Variants in DPP10 observed in about 807,000 individuals in gnomAD.
DPP10 encodes the protein dipeptidyl peptidase like 10.
DPP10 carries 33 observed loss-of-function variants against 120.9 expected under a neutral mutation model. The ratio of observed to expected loss-of-function variants is 0.27; its 90% CI spans 0.21 to 0.37. The LOEUF (loss-of-function observed/expected upper bound fraction) is 0.37. Ranked by LOEUF, DPP10 falls within the 10% of genes least tolerant of loss-of-function variation. The pLI is 1.00. For synonymous variants in DPP10, 337 were observed against 326.1 expected (o/e 1.03, Z -0.36); for missense variants, 816 against 942.8 (o/e 0.87, Z 1.76).
At chr2:115,072,986 T>C (rs886097057) in intron 1 of DPP10, among the ~76,000 whole-genome samples, 1 of 152,158 alleles carries the variant, frequency 6.6e-6, no homozygotes, top group Non-Finnish European at 1.5e-5. Flanking sequence ...TTTCACCCTG[T>C]TGGCCAGGCT....
rs1243416365 is a variant in DPP10 at position 115,732,053 on chromosome 2, AG to A, written c.697+4120del. On this transcript the variant is annotated intron_variant, in intron 8 of 25. Transcript: ENST00000410059. ...TCACTGAAACACAATGATATTGCCT[AG>A]GGAATGCATGTAATTTCAACGTTAT... Among the ~76,000 whole-genome samples, 12 of 150,358 alleles carry A rather than the reference AG, an allele frequency of 8.0e-5. No homozygotes were observed. The East Asian group carries it at 2.1e-3, about 27-fold the overall frequency.
chr2:115,550,684 T>C (rs577746041), intron 5 of DPP10, among the ~76,000 whole-genome samples: 3 of 152,264 alleles, frequency 2.0e-5, no homozygotes, highest in Non-Finnish European at 4.4e-5. Flanking sequence ...TTTAAAGGAA[T>C]GTGAATAAGC....
At chr2:115,421,126 T>G (rs1374544579) in intron 3 of DPP10, among the ~76,000 whole-genome samples, 1 of 152,064 alleles carries the variant, frequency 6.6e-6, no homozygotes, top group East Asian at 1.9e-4. Flanking sequence ...CCTTTCTCAA[T>G]TGCTTTTAAT....
At chr2:114,870,419 T>C (rs1690591940) in intron 1 of DPP10, among the ~76,000 whole-genome samples, 1 of 151,656 alleles carries the variant, frequency 6.6e-6, no homozygotes, top group African/African-American at 2.4e-5. Context: ...TAAACAGTAT[T>C]GAGTATGGAA....
chr2:114,473,861 T>C (rs149539143), intron 1 of DPP10, among the ~76,000 whole-genome samples: 1 of 152,154 alleles, frequency 6.6e-6, no homozygotes, highest in African/African-American at 2.4e-5. Flanking sequence ...ATATTTATAC[T>C]TACATACATA....
At chr2:114,573,532 C>A (rs904409754) in intron 1 of DPP10, among the ~76,000 whole-genome samples, 1 of 152,120 alleles carries the variant, frequency 6.6e-6, no homozygotes, top group African/African-American at 2.4e-5. Flanking sequence ...AAGATATGGT[C>A]CCAAGCTATC....
intron 1 of DPP10, among the ~76,000 whole-genome samples, chr2:114,528,736 C>A (rs1278623643): frequency 6.6e-6 from 1 of 151,474 alleles, no homozygotes; most frequent in Non-Finnish European, 1.5e-5. Flanking sequence ...ACCACACTGT[C>A]CCTTTCCTTT....
At chr2:114,732,554 G>A (rs1558682468) in intron 1 of DPP10, among the ~76,000 whole-genome samples, 3 of 152,142 alleles carry the variant, frequency 2.0e-5, no homozygotes, top group Admixed American at 6.5e-5. Flanking sequence ...TTAAGTTGCC[G>A]AAGAGTATTT....
intron 19 of DPP10, 23 bp from the exon 20 acceptor site, chr2:115,814,770 G>T (rs754822901): frequency 6.7e-7 from 1 of 1,492,634 alleles, no homozygotes; most frequent in East Asian, 2.3e-5. Context: ...TCTTGTTTTG[G>T]TCCAATATGT....
At chr2:115,091,121 A>G (rs1471356259) in intron 1 of DPP10, among the ~76,000 whole-genome samples, 2 of 152,066 alleles carry the variant, frequency 1.3e-5, no homozygotes, top group Admixed American at 1.3e-4. Context: ...CACCCTCCTC[A>G]TTCTCTTATA....
intron 5 of DPP10, among the ~76,000 whole-genome samples, chr2:115,541,299 A>G (rs1438011082): frequency 6.6e-6 from 1 of 151,884 alleles, no homozygotes; most frequent in African/African-American, 2.4e-5. Context: ...ATTTCCCACT[A>G]TTATAAACAA....
intron 1 of DPP10, among the ~76,000 whole-genome samples, chr2:114,976,216 A>G (rs1443949654): frequency 6.6e-6 from 1 of 151,330 alleles, no homozygotes; most frequent in Non-Finnish European, 1.5e-5. Flanking sequence ...GAAATACATG[A>G]TTAGAACTTT....
At chr2:115,090,353 A>T (rs906222821) in intron 1 of DPP10, among the ~76,000 whole-genome samples, 1 of 152,002 alleles carries the variant, frequency 6.6e-6, no homozygotes, top group African/African-American at 2.4e-5. Context: ...ACCTCTCTTA[A>T]TGGGGTGGGA....
At chr2:115,138,656 AT>A (rs565637243) in intron 1 of DPP10, among the ~76,000 whole-genome samples, 1 of 152,018 alleles carries the variant, frequency 6.6e-6, no homozygotes, top group African/African-American at 2.4e-5. Context: ...ATAAAACACA[AT>A]TTTTTTTATT....
chr2:115,494,733 A>T (rs1324989761), intron 3 of DPP10, among the ~76,000 whole-genome samples: 1 of 152,132 alleles, frequency 6.6e-6, no homozygotes, highest in Non-Finnish European at 1.5e-5. Context: ...AGTTTCTTTT[A>T]AAACATGGAA....
intron 1 of DPP10, among the ~76,000 whole-genome samples, chr2:115,281,418 G>T (rs2060152551): frequency 6.6e-6 from 1 of 152,154 alleles, no homozygotes; most frequent in African/African-American, 2.4e-5. Flanking sequence ...AAGCTTCACA[G>T]AAAAGGTTGC....
chr2:115,697,908 G>T (rs754348404), intron 7 of DPP10, among the ~76,000 whole-genome samples: 24 of 152,150 alleles, frequency 1.6e-4, no homozygotes, highest in Non-Finnish European at 3.1e-4. Context: ...CATGAACCCG[G>T]GAGGCAGAGC....
In DPP10 at chr2:114,942,400, C is replaced by CATATATATAT. The variant is rs1489821887; in HGVS notation, c.61-366838_61-366837insTATATATATA. Among the ~76,000 whole-genome samples the CATATATATAT allele has an allele frequency of 3.8e-4, 38 of 99,372 alleles. No homozygotes were observed. In the East Asian group the frequency reaches 6.0e-3, roughly 16 times the overall value. The allele number at this position is 99,372 out of a possible 152,430, so 65.2% of individuals were successfully genotyped here. On this transcript the variant is annotated intron_variant, in intron 1 of 25. Transcript: ENST00000410059. ...ACACATATATATATATACACACACACACATATATATATATATATATATGAT... is the reference window on the plus strand; with the variant it reads ...ACACATATATATATATACACACACACATATATATATACATATATATATATATATATATGAT...
At chr2:115,742,135 A>G (rs1677354992) in intron 9 of DPP10, among the ~76,000 whole-genome samples, 1 of 152,020 alleles carries the variant, frequency 6.6e-6, no homozygotes, top group South Asian at 2.1e-4. Context: ...AATTGTCTCA[A>G]TTTTACAAAT....
Sources: allele counts gnomAD v4.1 joint callset (sites outside exome capture counted in the v4.1 genomes callset), GRCh38; gene constraint gnomAD v4.1.1; transcripts MANE v1.5; gene names NCBI Gene and HGNC (gene_info 2026-07-23, HGNC 2026-07-21).